MLLT3: variants seen among roughly 807,000 people sequenced by gnomAD.
The protein encoded by MLLT3 is MLLT3 super elongation complex subunit.
In MLLT3, 4 loss-of-function variants were observed where a neutral mutation model predicts 53.2. The ratio of observed to expected loss-of-function variants is 0.08; its 90% CI spans 0.04 to 0.17. The LOEUF is 0.17. MLLT3 is among the 10% of genes least tolerant of loss of function. The pLI, the probability that MLLT3 is intolerant of heterozygous loss-of-function variation, is 1.00. For missense variants in MLLT3, 569 were observed against 684.0 expected (o/e 0.83, Z 1.87); for synonymous variants, 283 against 230.6 (o/e 1.23, Z -2.06).
At chr9:20,567,527 C>T (rs1587078513) in intron 2 of MLLT3, among the ~76,000 whole-genome samples, 2 of 152,174 alleles carry the variant, frequency 1.3e-5, no homozygotes, top group Non-Finnish European at 2.9e-5. Flanking sequence ...CAGATTTGAA[C>T]ATTGAAATTT....
chr9:20,577,495 T>C (rs1819685171), intron 2 of MLLT3, among the ~76,000 whole-genome samples: 1 of 152,170 alleles, frequency 6.6e-6, no homozygotes, highest in Non-Finnish European at 1.5e-5. Flanking sequence ...CTTTTCAACA[T>C]CTCTGTGAAA....
chr9:20,522,856 G>A (rs1056157907), intron 2 of MLLT3, among the ~76,000 whole-genome samples: 1 of 152,114 alleles, frequency 6.6e-6, no homozygotes, highest in African/African-American at 2.4e-5. Context: ...AGCTACTCTG[G>A]AGGCTGAGAT....
At chr9:20,354,726 A>G (rs1225528915) in intron 9 of MLLT3, 82 bp downstream of exon 9, 1 of 912,288 alleles carries the variant, frequency 1.1e-6, no homozygotes, top group Non-Finnish European at 1.8e-6. Context: ...AAGGAGAACC[A>G]GCAAGGATGA....
intron 2 of MLLT3, chr9:20,533,028 C>A: frequency 3.6e-6 from 1 of 274,266 alleles, no homozygotes; most frequent in Non-Finnish European, 7.1e-6. Context: ...GGTGACTGCA[C>A]ACAACATGGA....
intron 2 of MLLT3, among the ~76,000 whole-genome samples, chr9:20,588,810 T>C (rs1820048281): frequency 1.3e-5 from 2 of 152,166 alleles, no homozygotes; most frequent in East Asian, 1.9e-4. Flanking sequence ...TGACTTCCTC[T>C]TTTCCTAACA....
chr9:20,453,610 C>T (rs1823891113), intron 3 of MLLT3, among the ~76,000 whole-genome samples: 1 of 152,146 alleles, frequency 6.6e-6, no homozygotes, highest in South Asian at 2.1e-4. Flanking sequence ...CATTCCTCTC[C>T]TCCAGTAACT....
chr9:20,599,142 A>G (rs1329791355), intron 2 of MLLT3, among the ~76,000 whole-genome samples: 4 of 152,044 alleles, frequency 2.6e-5, no homozygotes, highest in Non-Finnish European at 4.4e-5. Context: ...TGTCTCTACT[A>G]AAAATACAAA....
chr9:20,435,343 GT>G (rs529726921), intron 4 of MLLT3, among the ~76,000 whole-genome samples: 1 of 151,766 alleles, frequency 6.6e-6, no homozygotes. Context: ...CACACCCAGT[GT>G]TTTTTAAAAA....
intron 2 of MLLT3, among the ~76,000 whole-genome samples, chr9:20,602,189 T>C (rs7867710): frequency 0.31 from 47,192 of 152,016 alleles, 7,683 homozygotes; most frequent in South Asian, 0.41. Flanking sequence ...CTAACTCGTA[T>C]GGCTATTTTC....
Position 20,361,117 on chromosome 9 carries a change from ATGG to A in MLLT3, c.1332-279_1332-277del, listed in dbSNP as rs1322518709. On this transcript the variant is annotated intron_variant, in intron 7 of 10. Transcript: ENST00000380338. The stretch of plus-strand genomic sequence containing the variant: ...CTCATCTAGGGTCACACAGGTAAAA[ATGG>A]TGGCTCTGGAATTCAAATACAAGCA... Among the ~76,000 whole-genome samples, 3 of 152,190 alleles carry A rather than the reference ATGG, an allele frequency of 2.0e-5. No homozygotes were observed. The East Asian group carries it at 5.8e-4, about 29-fold the overall frequency.
At chr9:20,381,968 T>C (rs1821919405) in intron 5 of MLLT3, among the ~76,000 whole-genome samples, 2 of 151,896 alleles carry the variant, frequency 1.3e-5, no homozygotes, top group Non-Finnish European at 2.9e-5. Context: ...AGTTAAAAAA[T>C]GCTTCTATTT....
intron 2 of MLLT3, among the ~76,000 whole-genome samples, chr9:20,491,735 C>T (rs1405179308): frequency 6.6e-6 from 1 of 152,114 alleles, no homozygotes; most frequent in Non-Finnish European, 1.5e-5. Flanking sequence ...GGGAGATGAT[C>T]TTTAAATAAC....
intron 5 of MLLT3, among the ~76,000 whole-genome samples, chr9:20,383,553 G>A (rs887782372): frequency 1.8e-4 from 28 of 151,700 alleles, no homozygotes; most frequent in African/African-American, 6.8e-4. Context: ...AATTCATATC[G>A]CTAATGTTAG....
intron 1 of MLLT3, 179 bp downstream of exon 1, chr9:20,622,065 CG>C (rs71334542): frequency 2.6e-3 from 155 of 58,884 alleles, no homozygotes; most frequent in South Asian, 0.024. Context: ...GTGTGCGCGC[CG>C]GGGGGGGGTG....
chr9:20,385,870 G>C (rs749965385), intron 5 of MLLT3, among the ~76,000 whole-genome samples: 6 of 152,138 alleles, frequency 3.9e-5, no homozygotes, highest in Non-Finnish European at 7.4e-5. Context: ...TGATACTTTT[G>C]GTCTGATAAG....
At chr9:20,544,578 AAAT>A (rs1326567639) in intron 2 of MLLT3, among the ~76,000 whole-genome samples, 1 of 152,214 alleles carries the variant, frequency 6.6e-6, no homozygotes, top group Non-Finnish European at 1.5e-5. Flanking sequence ...AAAAAACAGA[AAAT>A]AATAGGTGTT....
In MLLT3 at chr9:20,514,216, T is replaced by C. The variant is rs537708047; in HGVS notation, c.194-57430A>G. Among the ~76,000 whole-genome samples, 6 of 152,282 alleles carry C rather than the reference T, an allele frequency of 3.9e-5. No individual in the cohort carries two copies. The East Asian group carries it at 1.2e-3, about 29-fold the overall frequency. On this transcript the variant is annotated intron_variant, in intron 2 of 10. Coordinates refer to ENST00000380338, the MANE Select transcript of MLLT3 (RefSeq NM_004529.4). ...CAAGGAGGATACCAGGATCATGGGCTAAGGAAACAGTGGGTTCAGGAAGAA... is the reference window on the plus strand; with the variant it reads ...CAAGGAGGATACCAGGATCATGGGCCAAGGAAACAGTGGGTTCAGGAAGAA...
chr9:20,525,699 G>A (rs572754081), intron 2 of MLLT3, among the ~76,000 whole-genome samples: 1 of 152,136 alleles, frequency 6.6e-6, no homozygotes, highest in Non-Finnish European at 1.5e-5. Context: ...GAGCACACAG[G>A]CTTCTCCATT....
chr9:20,513,703 G>C (rs1276748817), intron 2 of MLLT3, among the ~76,000 whole-genome samples: 2 of 152,184 alleles, frequency 1.3e-5, no homozygotes, highest in Non-Finnish European at 2.9e-5. Context: ...CATGAGGGAG[G>C]TGGTTGTACA....
Sources: gnomAD v4.1 joint callset for allele counts (sites outside exome capture counted in the v4.1 genomes callset) on GRCh38, gnomAD v4.1.1 for gene constraint, MANE v1.5 for transcripts, NCBI Gene and HGNC (gene_info 2026-07-23, HGNC 2026-07-21) for gene names.